BABAM2: variants seen among roughly 807,000 people sequenced by gnomAD.
BABAM2 encodes the protein BRISC and BRCA1 A complex member 2.
Under a neutral mutation model 54.7 loss-of-function variants are expected in BABAM2, and 31 were observed. The ratio of observed to expected loss-of-function variants is 0.57; its 90% CI spans 0.43 to 0.77. BABAM2 has a LOEUF of 0.77. BABAM2 is among the 30% of genes least tolerant of loss of function. The pLI is 0.00. For synonymous variants in BABAM2, 167 were observed against 162.9 expected (o/e 1.03, Z -0.19); for missense variants, 364 against 455.8 (o/e 0.80, Z 1.83).
intron 10 of BABAM2, among the ~76,000 whole-genome samples, chr2:28,255,989 GT>G (rs111776430): frequency 6.6e-6 from 1 of 150,994 alleles, no homozygotes; most frequent in Non-Finnish European, 1.5e-5. Context: ...TTTAACAGGT[GT>G]TTTTTTTTGT....
intron 4 of BABAM2, among the ~76,000 whole-genome samples, chr2:28,001,761 G>C (rs1428578559): frequency 1.3e-5 from 2 of 151,944 alleles, no homozygotes; most frequent in Admixed American, 6.6e-5. Context: ...AGAGAGGAGG[G>C]GGGTGCTACA....
chr2:28,080,846 C>T (rs2337699), intron 6 of BABAM2, among the ~76,000 whole-genome samples: 82,681 of 151,960 alleles, frequency 0.54, 23,030 homozygotes, highest in South Asian at 0.76. Context: ...CCTGGAGATA[C>T]ATTAAGCTTG....
intron 7 of BABAM2, among the ~76,000 whole-genome samples, chr2:28,187,287 G>C (rs2338010): frequency 0.99 from 150,717 of 152,304 alleles, 74,599 homozygotes; most frequent in Middle Eastern, 1. Context: ...CCATAGAGAA[G>C]GGCCACTAGA....
chr2:28,161,526 A>G (rs1673093481), intron 7 of BABAM2, among the ~76,000 whole-genome samples: 1 of 152,154 alleles, frequency 6.6e-6, no homozygotes, highest in African/African-American at 2.4e-5. Flanking sequence ...AAAGTGTCTC[A>G]AAGACCCTTC....
intron 5 of BABAM2, among the ~76,000 whole-genome samples, chr2:28,032,540 G>A (rs954425402): frequency 8.6e-5 from 13 of 151,930 alleles, no homozygotes; most frequent in African/African-American, 2.9e-4. Flanking sequence ...ATTCTTTACC[G>A]TTGTATTTTT....
At chr2:28,156,312 G>A (rs2147795034) in intron 7 of BABAM2, among the ~76,000 whole-genome samples, 1 of 152,208 alleles carries the variant, frequency 6.6e-6, no homozygotes, top group South Asian at 2.1e-4. Context: ...ATGGCTGTCT[G>A]TGCTCAATAA....
chr2:27,998,814 T>A (rs569623817), intron 4 of BABAM2, among the ~76,000 whole-genome samples: 2 of 152,316 alleles, frequency 1.3e-5, no homozygotes, highest in African/African-American at 4.8e-5. Context: ...GAACAAGGCT[T>A]TTACCTTTGT....
In BABAM2 at chr2:28,058,752, A is replaced by T. The variant is rs1465683151; in HGVS notation, c.570+12953A>T. 2.0e-5 allele frequency among the ~76,000 whole-genome samples: 3 copies of T among 152,170 alleles called. No individual in the cohort carries two copies. In the East Asian group the frequency reaches 5.8e-4, roughly 29 times the overall value. ...CATTGAGAGCGTTTAGAAACATTAA[A>T]AGCAGCTGACAGAATAATCATATAT... On this transcript the variant is annotated intron_variant, in intron 6 of 11. Transcript: ENST00000379624.
chr2:28,110,610 C>T (rs187371589), intron 6 of BABAM2, among the ~76,000 whole-genome samples: 4 of 150,740 alleles, frequency 2.7e-5, no homozygotes, highest in Admixed American at 1.3e-4. Flanking sequence ...GGTGACAGAG[C>T]GAGACTCCAT....
chr2:28,015,554 A>G (rs1020400462), intron 4 of BABAM2, among the ~76,000 whole-genome samples: 3 of 152,192 alleles, frequency 2.0e-5, no homozygotes, highest in South Asian at 2.1e-4. Context: ...AGAGAAAAAA[A>G]TAGATGTTCA....
chr2:28,048,647 G>T lies in BABAM2; in HGVS notation c.570+2848G>T, dbSNP rs140172911. The stretch of plus-strand genomic sequence containing the variant: ...CCATACTTAGTACTCTACAGATCAG[G>T]CGTAGACCAACTGTCTTATGTCTGT... On this transcript the variant is annotated intron_variant, in intron 6 of 11. Transcript: ENST00000379624. Among the ~76,000 whole-genome samples, 647 of 152,224 alleles carry T rather than the reference G, an allele frequency of 4.3e-3. 4 individuals carry two copies. Among genetic ancestry groups the T allele is most frequent in the African/African-American group, 0.015 (619 of 41,528 alleles).
chr2:28,227,524 A>G (rs1363472267), intron 7 of BABAM2, among the ~76,000 whole-genome samples: 2 of 151,996 alleles, frequency 1.3e-5, no homozygotes, highest in South Asian at 2.1e-4. Flanking sequence ...AACCACACTC[A>G]TTTTACCCAT....
At chr2:28,044,287 T>C (rs1413387594) in intron 5 of BABAM2, among the ~76,000 whole-genome samples, 1 of 152,204 alleles carries the variant, frequency 6.6e-6, no homozygotes, top group Non-Finnish European at 1.5e-5. Context: ...TGGAGTGCAA[T>C]GGTGCAATAT....
intron 10 of BABAM2, among the ~76,000 whole-genome samples, chr2:28,266,880 G>A (rs1202667662): frequency 6.6e-6 from 1 of 152,236 alleles, no homozygotes; most frequent in Non-Finnish European, 1.5e-5. Flanking sequence ...AAAAGGCTGG[G>A]TGCAGTGGCT....
intron 6 of BABAM2, among the ~76,000 whole-genome samples, chr2:28,095,382 TA>T (rs1666523137): frequency 6.6e-6 from 1 of 152,202 alleles, no homozygotes; most frequent in Non-Finnish European, 1.5e-5. Flanking sequence ...TTCTACACTA[TA>T]AGTTCTCTGA....
At position 28,156,451 on chromosome 2, in the gene BABAM2, C is replaced by T. The variant is rs549845483; in HGVS notation, c.680+27071C>T. On this transcript the variant is annotated intron_variant, in intron 7 of 11. Coordinates refer to ENST00000379624, the MANE Select transcript of BABAM2 (RefSeq NM_199191.3). ...ACCCACTGCTGACTACAAAGCTTGG[C>T]AGGTATTAGTCACAGAATAAGCAAG... Among the ~76,000 whole-genome samples, 54 of 152,168 alleles carry T rather than the reference C, an allele frequency of 3.5e-4. No homozygotes were observed. The East Asian group carries it at 9.8e-3, about 28-fold the overall frequency.
At chr2:28,204,731 A>G (rs1251855360) in intron 7 of BABAM2, among the ~76,000 whole-genome samples, 2 of 152,204 alleles carry the variant, frequency 1.3e-5, no homozygotes, top group Non-Finnish European at 2.9e-5. Flanking sequence ...GGTATGTTCT[A>G]AGAGATGTAC....
At chr2:28,163,770 G>A (rs930572796) in intron 7 of BABAM2, among the ~76,000 whole-genome samples, 3 of 152,200 alleles carry the variant, frequency 2.0e-5, no homozygotes, top group East Asian at 3.9e-4. Flanking sequence ...TGGGTCAGAG[G>A]CCTCAGAATT....
At chr2:28,079,340 T>A (rs1477867338) in intron 6 of BABAM2, among the ~76,000 whole-genome samples, 1 of 152,150 alleles carries the variant, frequency 6.6e-6, no homozygotes, top group Admixed American at 6.5e-5. Context: ...TTAGACTATT[T>A]CATCTAAGGG....
Sources: gnomAD v4.1 joint callset for allele counts (sites outside exome capture counted in the v4.1 genomes callset) on GRCh38, gnomAD v4.1.1 for gene constraint, MANE v1.5 for transcripts, NCBI Gene and HGNC (gene_info 2026-07-23, HGNC 2026-07-21) for gene names.